Variants in ZNF226 observed in about 807,000 individuals in gnomAD.
ZNF226 encodes the protein Kruppel-associated box protein.
In ZNF226, 6 loss-of-function variants were observed where a neutral mutation model predicts 11.4. That is an observed-to-expected ratio of 0.53 (90% confidence interval 0.29 to 1.04). The LOEUF (loss-of-function observed/expected upper bound fraction) is 1.04. Ranked by LOEUF, ZNF226 falls within the 50% of genes least tolerant of loss-of-function variation. The probability of loss-of-function intolerance (pLI) is 0.08; values close to 1 mark genes in which losing one functional copy is unlikely to be tolerated. For missense variants in ZNF226, 1,058 were observed against 956.5 expected, an observed-to-expected ratio of 1.11 and a Z score of -1.40; for synonymous variants, 350 against 322.8, an observed-to-expected ratio of 1.08 and a Z score of -0.90.
chr19:44,183,134 G>A (rs539549337), downstream of ZNF226, among the ~76,000 whole-genome samples: 66 of 152,258 alleles, frequency 4.3e-4, no homozygotes, highest in South Asian at 0.013. Flanking sequence ...GCTGTGATTA[G>A]GTAATTGGAA....
In ZNF226 at chr19:44,177,477, T is replaced by A. The variant is rs893329289; in HGVS notation, c.2215T>A (p.Ser739Thr). The A allele has an allele frequency of 1.2e-6, 2 of 1,614,150 alleles. No individual in the cohort carries two copies. The highest frequency in any genetic ancestry group is 1.7e-6 in the Non-Finnish European group (2 of 1,180,034). The change falls in exon 6 of 6, where the codon TCT becomes ACT. Residue 739 changes from serine to threonine, a missense_variant. By Grantham distance (58) the Ser-to-Thr change is moderately conservative. Transcript: ENST00000337433. ...TGTGTGTGGTAAAGTCTTCAGTCGG[T>A]CTTCACAACTACAGTCTCATCAGCG... ...CDVCGKVFSRSSQLQSHQRVH... is the reference protein window; with the variant it reads ...CDVCGKVFSRTSQLQSHQRVH...
At chr19:44,172,791 A>C in intron 4 of ZNF226, 69 bp from the exon 5 acceptor site, 1 of 1,308,808 alleles carries the variant, frequency 7.6e-7, no homozygotes, top group Non-Finnish European at 1.1e-6. Flanking sequence ...GTGCAGTTGC[A>C]ACTCAGATTT....
intron 2 of ZNF226, among the ~76,000 whole-genome samples, chr19:44,168,998 CTTTTTTTTTTTTTTT>C (rs34967576): frequency 3.3e-4 from 30 of 90,808 alleles, no homozygotes; most frequent in African/African-American, 1.4e-3. Context: ...CTCCCTTTTC[CTTTTTTTTTTTTTTT>C]TTTTTTTTTT....
At chr19:44,175,244 A>T (rs766432368) in intron 5 of ZNF226, 29 of 1,398,318 alleles carry the variant, frequency 2.1e-5, no homozygotes, top group Non-Finnish European at 2.7e-5. Flanking sequence ...AAAAATTTAG[A>T]TAGTATGTCA....
the ZNF226 span, among the ~76,000 whole-genome samples, chr19:44,189,739 C>T: frequency 6.6e-6 from 1 of 152,148 alleles, no homozygotes; most frequent in Non-Finnish European, 1.5e-5. Flanking sequence ...CTAAGAGGGG[C>T]AACAGTCTCA....
downstream of ZNF226, chr19:44,177,787 T>C (rs993232579): frequency 1.2e-5 from 15 of 1,218,732 alleles, no homozygotes; most frequent in South Asian, 1.7e-5. Context: ...AAACAATCTT[T>C]ATGATTAGCA....
In ZNF226 at chr19:44,176,979, C is replaced by T. The variant is rs753319006; in HGVS notation, c.1717C>T (p.Arg573Ter). The T allele has an allele frequency of 2.0e-5, 32 of 1,613,604 alleles. No homozygotes were observed. Among genetic ancestry groups the T allele is most frequent in the South Asian group, 1.8e-4 (16 of 91,076 alleles). The change falls in exon 6 of 6, where the codon CGA (arginine) becomes TGA (stop). Residue 573 changes from arginine to a stop codon, truncating the protein, a stop_gained. Coordinates refer to ENST00000337433, the MANE Select transcript of ZNF226 (RefSeq NM_001032373.2). LOFTEE classifies it low-confidence loss of function (END_TRUNC). ...TGGGCAGGGTTTCAATCAGAGCTCA[C>T]GACTTCAGATTCACCAGCTGATCCA... is the stretch of plus-strand genomic sequence containing the variant. Reference protein sequence around the residue: ...ECGQGFNQSSRLQIHQLIHTG... With the variant: ...ECGQGFNQSS
chr19:44,196,470 A>G, the ZNF226 span, among the ~76,000 whole-genome samples: 1 of 152,198 alleles, frequency 6.6e-6, no homozygotes, highest in Non-Finnish European at 1.5e-5. Flanking sequence ...TGGACCTCAG[A>G]TAGGCACTGT....
chr19:44,189,650 C>G, the ZNF226 span, among the ~76,000 whole-genome samples: 1 of 152,152 alleles, frequency 6.6e-6, no homozygotes, highest in African/African-American at 2.4e-5. Flanking sequence ...TCAAGTTGTC[C>G]ACATAAGCTA....
the ZNF226 span, among the ~76,000 whole-genome samples, chr19:44,190,031 C>T: frequency 6.6e-6 from 1 of 152,140 alleles, no homozygotes; most frequent in Non-Finnish European, 1.5e-5. Flanking sequence ...AGGATCCAGT[C>T]TGGTCTACAG....
the ZNF226 span, among the ~76,000 whole-genome samples, chr19:44,198,985 T>C: frequency 6.6e-6 from 1 of 151,548 alleles, no homozygotes; most frequent in African/African-American, 2.4e-5. Context: ...GTATTTTTAG[T>C]AGAGACGGTG....
Position 44,172,228 on chromosome 19 carries a change from C to G in ZNF226, c.142+14C>G. On this transcript the variant is annotated intron_variant, in intron 4 of 5. Coordinates refer to ENST00000337433, the MANE Select transcript of ZNF226 (RefSeq NM_001032373.2). ...TGCTGTCAGTGGGTGAGGACAGCCT[C>G]CCTCTGGAATATCTTTGTGCCCTTG... is the stretch of plus-strand genomic sequence containing the variant. 1.2e-6 allele frequency: 2 copies of G among 1,607,600 alleles called. No homozygotes were observed. The highest frequency in any genetic ancestry group is 2.2e-5 in the South Asian group (2 of 90,956).
chr19:44,176,916 G>C lies in ZNF226; in HGVS notation c.1654G>C (p.Ala552Pro). The C allele has an allele frequency of 1.2e-6, 2 of 1,614,016 alleles. No individual in the cohort carries two copies. The highest frequency in any genetic ancestry group is 1.7e-6 in the Non-Finnish European group (2 of 1,179,976). ...TTCGTATCTTCAAATCCATCAGAAG[G>C]CCCACAGTATAGAGAAACCTTTTAA... ...QSSYLQIHQKAHSIEKPFKCE... is the reference protein window; with the variant it reads ...QSSYLQIHQKPHSIEKPFKCE... Residue 552 changes from alanine (A) to proline (P), a missense_variant, in exon 6 of 6, where the codon GCC becomes CCC. Physicochemically the swap from Ala to Pro is conservative, Grantham distance 27. Transcript: ENST00000337433.
downstream of ZNF226, chr19:44,177,737 C>G (rs138893427): frequency 1.3e-6 from 2 of 1,487,140 alleles, no homozygotes; most frequent in African/African-American, 1.4e-5. Flanking sequence ...GTCAGTGTTT[C>G]AGCCGTAGCT....
At chr19:44,183,451 A>G in the ZNF226 span, among the ~76,000 whole-genome samples, 3 of 152,198 alleles carry the variant, frequency 2.0e-5, no homozygotes, top group African/African-American at 7.2e-5. Flanking sequence ...GACAAACACT[A>G]TAAATGCTTT....
the ZNF226 span, among the ~76,000 whole-genome samples, chr19:44,194,698 AT>A: frequency 6.6e-6 from 1 of 152,120 alleles, no homozygotes; most frequent in East Asian, 1.9e-4. Context: ...TAAGTGCTTA[AT>A]TTTTTTCTTT....
downstream of ZNF226, among the ~76,000 whole-genome samples, chr19:44,179,998 A>G (rs1296305429): frequency 6.6e-6 from 1 of 151,230 alleles, no homozygotes; most frequent in African/African-American, 2.4e-5. Context: ...GAGGCAGAAG[A>G]ATCATTTGAA....
chr19:44,195,784 C>G, the ZNF226 span, among the ~76,000 whole-genome samples: 1 of 152,216 alleles, frequency 6.6e-6, no homozygotes, highest in East Asian at 1.9e-4. Flanking sequence ...ATCACCTTCC[C>G]TGGCTCCATT....
At chr19:44,179,311 T>C (rs1412472130), downstream of ZNF226, among the ~76,000 whole-genome samples, 1 of 152,204 alleles carries the variant, frequency 6.6e-6, no homozygotes, top group African/African-American at 2.4e-5. Context: ...ACTTCTATAT[T>C]TTAATTTTTT....
Sources: gnomAD v4.1 joint callset for allele counts (sites outside exome capture counted in the v4.1 genomes callset) on GRCh38, gnomAD v4.1.1 for gene constraint, MANE v1.5 for transcripts, NCBI Gene and HGNC (gene_info 2026-07-23, HGNC 2026-07-21) for gene names.